METTL27: variants seen among roughly 807,000 people sequenced by gnomAD.
The protein encoded by METTL27 is methyltransferase like 27.
Under a neutral mutation model 24.5 loss-of-function variants are expected in METTL27, and 29 were observed. That is an observed-to-expected ratio of 1.18 (90% CI 0.88 to 1.61). The LOEUF (loss-of-function observed/expected upper bound fraction) is 1.61. Ranked by LOEUF, METTL27 falls within the 40% of genes most tolerant of loss-of-function variation. The pLI is 0.00. For missense variants in METTL27, 341 were observed against 324.3 expected (o/e 1.05, Z -0.40); for synonymous variants, 138 against 146.8 (o/e 0.94, Z 0.43).
chr7:73,835,002 C>T lies in METTL27; in HGVS notation c.479G>A (p.Gly160Asp), dbSNP rs1554634807. 2 of 1,608,938 alleles carry T rather than the reference C, an allele frequency of 1.2e-6. No homozygotes were observed. Among genetic ancestry groups the T allele is most frequent in the Admixed American group, 3.3e-5 (2 of 59,740 alleles). Residue 160 changes from glycine to aspartate, a missense_variant and splice_region_variant, in exon 6 of 6, where the codon GGT (glycine) becomes GAT (aspartate). Physicochemically the swap from Gly to Asp is moderately conservative, Grantham distance 94. Coordinates refer to ENST00000297873, the MANE Select transcript of METTL27 (RefSeq NM_152559.3). ...CCTGGTGGTCAGACACACCAGCCCA[C>T]CTGGGGGAGAGGGGTAGGTGAGGTG... ...AIPELHVTKP[G>D]GLVCLTTRTN...
Position 73,838,402 on chromosome 7 carries a change from G to A in METTL27, c.478+1629C>T, listed in dbSNP as rs1416020215. On this transcript the variant is annotated intron_variant, in intron 5 of 5. Coordinates refer to ENST00000297873, the MANE Select transcript of METTL27 (RefSeq NM_152559.3). ...TTTGAAGTGCCCTACAGTAAGTGCC[G>A]GCTGAATGGCCTTGTCACCTCAGGT... Among the ~76,000 whole-genome samples the A allele has an allele frequency of 2.0e-5, 3 of 152,290 alleles. 1 individual carries two copies. The highest frequency in any genetic ancestry group is 3.9e-4 in the East Asian group (2 of 5,176).
intron 5 of METTL27, 152 bp from the exon 6 acceptor site, chr7:73,835,154 C>A (rs1788128474): frequency 3.1e-6 from 2 of 651,536 alleles, no homozygotes; most frequent in Non-Finnish European, 4.7e-6. Flanking sequence ...CCTCTCCCTC[C>A]TCTCCCTCCT....
At position 73,835,021 on chromosome 7, in the gene METTL27, T is replaced by G. The variant is rs1788122926; in HGVS notation, c.479-19A>C. On this transcript the variant is annotated intron_variant, in intron 5 of 5. Coordinates refer to ENST00000297873, the MANE Select transcript of METTL27 (RefSeq NM_152559.3). ...AGCCCACCTGGGGGAGAGGGGTAGG[T>G]GAGGTGGGGGAGGGGCAGGAGCCAC... The G allele has an allele frequency of 6.3e-7, 1 of 1,595,936 alleles. No homozygotes were observed.
intron 5 of METTL27, among the ~76,000 whole-genome samples, chr7:73,837,429 A>T (rs2130548079): frequency 6.7e-6 from 1 of 149,274 alleles, no homozygotes; most frequent in East Asian, 1.9e-4. Flanking sequence ...CATACATGTT[A>T]CTGTGGAAAC....
At chr7:73,841,997 C>T in intron 2 of METTL27, 21 bp downstream of exon 2, 1 of 1,613,976 alleles carries the variant, frequency 6.2e-7, no homozygotes, top group South Asian at 1.1e-5. Context: ...CTAGTGGAGG[C>T]AAGGCCCCAA....
chr7:73,842,007 A>G lies in METTL27; in HGVS notation c.123+11T>C, dbSNP rs782652261. 6 of 1,614,020 alleles carry G rather than the reference A, an allele frequency of 3.7e-6. No homozygotes were observed. Among genetic ancestry groups the G allele is most frequent in the Admixed American group, 1.7e-5 (1 of 60,008 alleles). ...CTGGTCTAGTGGAGGCAAGGCCCCA[A>G]ATGAGTTTACCTGGTCGTAGTCCGG... On this transcript the variant is annotated intron_variant, in intron 2 of 5. Coordinates refer to ENST00000297873, the MANE Select transcript of METTL27 (RefSeq NM_152559.3).
At chr7:73,841,318 G>C in intron 2 of METTL27, 120 bp from the exon 3 acceptor site, 1 of 1,404,960 alleles carries the variant, frequency 7.1e-7, no homozygotes, top group Non-Finnish European at 9.3e-7. Flanking sequence ...AGCCTGGCTG[G>C]GGCTAGCGTG....
intron 5 of METTL27, among the ~76,000 whole-genome samples, chr7:73,837,290 T>A (rs1788235559): frequency 1.0e-5 from 1 of 95,452 alleles, no homozygotes; most frequent in African/African-American, 3.5e-5. Flanking sequence ...AAAAAATAAA[T>A]AAATAAATAA....
At chr7:73,835,379 A>T (rs1442864409) in intron 5 of METTL27, among the ~76,000 whole-genome samples, 2 of 143,242 alleles carry the variant, frequency 1.4e-5, no homozygotes, top group Non-Finnish European at 3.1e-5. Context: ...TCGCGCCGCC[A>T]CGCCTGACTG....
rs782235431 is a variant in METTL27 at position 73,840,133 on chromosome 7, G to T, written c.389-13C>A. The T allele has an allele frequency of 8.0e-6, 10 of 1,244,236 alleles. No individual in the cohort carries two copies. Among genetic ancestry groups the T allele is most frequent in the Admixed American group, 2.2e-5 (1 of 46,094 alleles). 77.1% of individuals were successfully genotyped at this position (1,244,236 alleles called of 1,614,324 possible). On this transcript the variant is annotated splice_polypyrimidine_tract_variant and intron_variant, in intron 4 of 5. Transcript: ENST00000297873. ...GCGTCGAAGGTCCCTGTGTGTGTGT[G>T]GGGGGGGGTGGGGACATGGTGTGAT... is the stretch of plus-strand genomic sequence containing the variant.
chr7:73,841,891 C>T, intron 2 of METTL27, 127 bp downstream of exon 2: 2 of 1,492,452 alleles, frequency 1.3e-6, no homozygotes, highest in Non-Finnish European at 1.8e-6. Context: ...AGGGGCAGGA[C>T]TGTAGGGTTC....
At chr7:73,837,729 A>C (rs887722455) in intron 5 of METTL27, among the ~76,000 whole-genome samples, 2 of 151,814 alleles carry the variant, frequency 1.3e-5, no homozygotes, top group Non-Finnish European at 2.9e-5. Context: ...ACGCCCGGCT[A>C]TTTTGTATTT....
intron 4 of METTL27, 121 bp from the exon 5 acceptor site, chr7:73,840,241 A>G (rs2130556874): frequency 6.9e-7 from 1 of 1,449,990 alleles, no homozygotes; most frequent in Middle Eastern, 1.8e-4. Context: ...TGCAGGACCC[A>G]GGTCCCCTAG....
In METTL27 at chr7:73,838,939, C is replaced by T. The variant is rs1249516191; in HGVS notation, c.478+1092G>A. Among the ~76,000 whole-genome samples, 3 of 152,246 alleles carry T rather than the reference C, an allele frequency of 2.0e-5. No homozygotes were observed. In the East Asian group the frequency reaches 5.8e-4, roughly 29 times the overall value. On this transcript the variant is annotated intron_variant, in intron 5 of 5. Transcript: ENST00000297873. ...CCCCTCTCCTTTCTGCCTTAGGGTGCACCCCATGTGGATTCCTCACCTGGT... is the reference window on the plus strand; with the variant it reads ...CCCCTCTCCTTTCTGCCTTAGGGTGTACCCCATGTGGATTCCTCACCTGGT...
rs1554636533 is a variant in METTL27 at position 73,842,010 on chromosome 7, G to A, written c.123+8C>T. On this transcript the variant is annotated splice_region_variant and intron_variant, in intron 2 of 5. Transcript: ENST00000297873. ...GTCTAGTGGAGGCAAGGCCCCAAAT[G>A]AGTTTACCTGGTCGTAGTCCGGAGC... 5.0e-6 allele frequency: 8 copies of A among 1,614,120 alleles called. No homozygotes were observed. The highest frequency in any genetic ancestry group is 4.0e-5 in the African/African-American group (3 of 75,062).
At chr7:73,841,471 CTTT>C (rs34544195) in intron 2 of METTL27, among the ~76,000 whole-genome samples, 34 of 131,044 alleles carry the variant, frequency 2.6e-4, no homozygotes, top group African/African-American at 9.7e-4. Flanking sequence ...GTCCACATGA[CTTT>C]TTTTTTTTTT....
At chr7:73,841,796 A>G (rs566674625) in intron 2 of METTL27, among the ~76,000 whole-genome samples, 21 of 151,886 alleles carry the variant, frequency 1.4e-4, no homozygotes, top group Non-Finnish European at 2.9e-4. Flanking sequence ...TGACTTCTCA[A>G]TAGCACCTCC....
At chr7:73,838,212 C>T (rs1192724626) in intron 5 of METTL27, among the ~76,000 whole-genome samples, 2 of 152,154 alleles carry the variant, frequency 1.3e-5, no homozygotes, top group African/African-American at 4.8e-5. Context: ...ACTCACCACT[C>T]ACCCACGCCT....
intron 1 of METTL27, 47 bp from the exon 2 acceptor site, chr7:73,842,191 A>G (rs376204979): frequency 2.2e-4 from 339 of 1,563,958 alleles, no homozygotes; most frequent in Non-Finnish European, 2.7e-4. Flanking sequence ...TCAATCGCCC[A>G]TCCCCTCCTT....
Sources: gnomAD v4.1 joint callset for allele counts (sites outside exome capture counted in the v4.1 genomes callset) on GRCh38, gnomAD v4.1.1 for gene constraint, MANE v1.5 for transcripts, NCBI Gene and HGNC (gene_info 2026-07-23, HGNC 2026-07-21) for gene names.